Variants in NTNG1 observed in about 807,000 individuals in gnomAD.
The protein encoded by NTNG1 is netrin-G1.
In NTNG1, 16 loss-of-function variants were observed where a neutral mutation model predicts 54.0. That is an observed-to-expected ratio of 0.30 (90% CI 0.20 to 0.45). The LOEUF is 0.45. Among genes scored for constraint, NTNG1 ranks in the 20% least tolerant of loss-of-function variants. The pLI, the probability that NTNG1 is intolerant of heterozygous loss-of-function variation, is 1.00. For missense variants in NTNG1, 530 were observed against 678.7 expected, an observed-to-expected ratio of 0.78 and a Z score of 2.43; for synonymous variants, 255 against 263.1, an observed-to-expected ratio of 0.97 and a Z score of 0.30.
At chr1:107,389,510 C>G (rs576504451) in intron 3 of NTNG1, among the ~76,000 whole-genome samples, 1 of 152,262 alleles carries the variant, frequency 6.6e-6, no homozygotes, top group African/African-American at 2.4e-5. Context: ...TTTTTATAAG[C>G]AAGATTAAAT....
rs150650671 is a variant in NTNG1 at position 107,399,652 on chromosome 1, AT to A, written c.1060+4330del. Reference sequence around the variant, plus strand: ...ATAGTCTTACAAGGCAAATACTACTATTTTAATTTTAAACACATGGAATATT... The same window carrying A: ...ATAGTCTTACAAGGCAAATACTACTATTTAATTTTAAACACATGGAATATT... On this transcript the variant is annotated intron_variant, in intron 4 of 7. Transcript: ENST00000370068. Among the ~76,000 whole-genome samples the A allele has an allele frequency of 0.012, 1,789 of 152,244 alleles. 90 individuals carry two copies. In the East Asian group the frequency reaches 0.18, roughly 15 times the overall value.
rs111818301 is a variant in NTNG1, at chr1:107,381,632, T to C, written c.888-13522T>C. The stretch of plus-strand genomic sequence containing the variant: ...CAGGTTGGGAGGTGAAGTAACGTGA[T>C]GTACTCTGTGCTGTAGTCAGGTATG... On this transcript the variant is annotated intron_variant, in intron 3 of 7. Transcript: ENST00000370068. 3.3e-3 allele frequency among the ~76,000 whole-genome samples: 506 copies of C among 152,324 alleles called. 3 individuals are homozygous for C. Among genetic ancestry groups the C allele is most frequent in the Non-Finnish European group, 4.9e-3 (331 of 68,030 alleles).
At chr1:107,444,319 A>C (rs1676174800) in intron 7 of NTNG1, among the ~76,000 whole-genome samples, 1 of 152,134 alleles carries the variant, frequency 6.6e-6, no homozygotes, top group Admixed American at 6.6e-5. Context: ...AAAGGACTTT[A>C]ACTCTTCACA....
At chr1:107,152,009 TACACAC>T (rs900113330) in intron 2 of NTNG1, among the ~76,000 whole-genome samples, 1 of 151,580 alleles carries the variant, frequency 6.6e-6, no homozygotes, top group African/African-American at 2.4e-5. Flanking sequence ...CATATATATA[TACACAC>T]ACATACATAT....
chr1:107,167,562 G>A (rs1655900595), intron 2 of NTNG1, among the ~76,000 whole-genome samples: 1 of 151,736 alleles, frequency 6.6e-6, no homozygotes, highest in Admixed American at 6.6e-5. Context: ...GTAGGTAAAA[G>A]CCTCATTTAA....
chr1:107,343,817 C>T (rs79899799), intron 3 of NTNG1, among the ~76,000 whole-genome samples: 4,272 of 152,162 alleles, frequency 0.028, 99 homozygotes, highest in Non-Finnish European at 0.04. Context: ...CTGAAGGCTG[C>T]GTGCATTTGA....
At chr1:107,475,377 A>G (rs571388682) in intron 7 of NTNG1, among the ~76,000 whole-genome samples, 1 of 152,174 alleles carries the variant, frequency 6.6e-6, no homozygotes, top group Non-Finnish European at 1.5e-5. Flanking sequence ...TTCCTTATCT[A>G]CAGCTCATCT....
chr1:107,466,679 C>T (rs898079016), intron 7 of NTNG1, among the ~76,000 whole-genome samples: 2 of 152,164 alleles, frequency 1.3e-5, no homozygotes, highest in Non-Finnish European at 2.9e-5. Flanking sequence ...GAAGCTCTAA[C>T]ATCTTTTCCC....
At chr1:107,392,224 G>A (rs1262582757) in intron 3 of NTNG1, among the ~76,000 whole-genome samples, 1 of 152,018 alleles carries the variant, frequency 6.6e-6, no homozygotes, top group African/African-American at 2.4e-5. Flanking sequence ...TGGAGGGAGG[G>A]GGCTCTATGG....
intron 2 of NTNG1, among the ~76,000 whole-genome samples, chr1:107,169,487 A>T (rs890970368): frequency 6.6e-6 from 1 of 152,000 alleles, no homozygotes; most frequent in East Asian, 1.9e-4. Flanking sequence ...GCTCTCCTTC[A>T]TATGTTCATA....
intron 3 of NTNG1, among the ~76,000 whole-genome samples, chr1:107,345,450 G>A (rs1392636251): frequency 6.6e-6 from 1 of 152,200 alleles, no homozygotes; most frequent in Non-Finnish European, 1.5e-5. Flanking sequence ...CTAGACAGGT[G>A]TGAGCCGCTG....
chr1:107,470,186 A>G (rs925472636), intron 7 of NTNG1, among the ~76,000 whole-genome samples: 1 of 152,230 alleles, frequency 6.6e-6, no homozygotes, highest in Non-Finnish European at 1.5e-5. Context: ...TGGTAGTCCT[A>G]CTAGAAATAT....
chr1:107,480,867 G>A lies in NTNG1; in HGVS notation c.*27G>A. On this transcript the variant is annotated 3_prime_UTR_variant, in exon 8 of 8. Transcript: ENST00000370068. ...TGTCACCTCCAGCCACACCGGACGG[G>A]CCTGTGCCGTGGGGAAGCAGACACA... 9.2e-6 allele frequency: 14 copies of A among 1,522,830 alleles called. No homozygotes were observed. The highest frequency in any genetic ancestry group is 1.2e-5 in the Non-Finnish European group (13 of 1,123,204). The allele number at this position is 1,522,830 out of a possible 1,614,324, so 94.3% of individuals were successfully genotyped here.
chr1:107,422,925 A>G (rs1674665127), intron 5 of NTNG1, among the ~76,000 whole-genome samples: 1 of 152,086 alleles, frequency 6.6e-6, no homozygotes, highest in Non-Finnish European at 1.5e-5. Context: ...GAGGATGCAA[A>G]GGAGAAATTG....
chr1:107,460,134 C>G (rs559134723), intron 7 of NTNG1, among the ~76,000 whole-genome samples: 1 of 152,262 alleles, frequency 6.6e-6, no homozygotes, highest in African/African-American at 2.4e-5. Flanking sequence ...CAAGCTAAGG[C>G]CCGTTTCCTC....
chr1:107,450,379 T>A (rs1198634423), intron 7 of NTNG1, among the ~76,000 whole-genome samples: 1 of 152,086 alleles, frequency 6.6e-6, no homozygotes, highest in Non-Finnish European at 1.5e-5. Context: ...CCATGAGAAT[T>A]AAATAACACA....
At chr1:107,347,899 T>G (rs1669348341) in intron 3 of NTNG1, among the ~76,000 whole-genome samples, 1 of 151,972 alleles carries the variant, frequency 6.6e-6, no homozygotes, top group African/African-American at 2.4e-5. Flanking sequence ...GAAAACAGAA[T>G]GGGGAAAATT....
chr1:107,476,357 C>A (rs914495693), intron 7 of NTNG1, among the ~76,000 whole-genome samples: 1 of 152,104 alleles, frequency 6.6e-6, no homozygotes. Context: ...TCTTTTGCAA[C>A]AACGACCACC....
chr1:107,179,369 A>G (rs780081670), intron 2 of NTNG1, among the ~76,000 whole-genome samples: 19 of 152,260 alleles, frequency 1.2e-4, no homozygotes, highest in Admixed American at 2.6e-4. Flanking sequence ...AAACTGAAGC[A>G]TCTCAGTTGT....
Sources: gnomAD v4.1 joint callset for allele counts (sites outside exome capture counted in the v4.1 genomes callset) on GRCh38, gnomAD v4.1.1 for gene constraint, MANE v1.5 for transcripts, NCBI Gene and HGNC (gene_info 2026-07-23, HGNC 2026-07-21) for gene names.